VWF: variants seen among roughly 807,000 people sequenced by gnomAD.
The protein encoded by VWF is Factor VIII related antigen.
In VWF, 176 loss-of-function variants were observed where a neutral mutation model predicts 308.6. The ratio of observed to expected loss-of-function variants is 0.57; its 90% CI spans 0.50 to 0.65. The LOEUF is 0.65. Ranked by LOEUF, VWF falls within the 30% of genes least tolerant of loss-of-function variation. The pLI, the probability that VWF is intolerant of heterozygous loss-of-function variation, is 0.00. For missense variants in VWF, 3,146 were observed against 3,648.2 expected, an observed-to-expected ratio of 0.86 and a Z score of 3.55; for synonymous variants, 1,385 against 1,443.4, an observed-to-expected ratio of 0.96 and a Z score of 0.92.
chr12:5,973,136 C>T (rs1307282071), intron 43 of VWF, among the ~76,000 whole-genome samples: 1 of 152,178 alleles, frequency 6.6e-6, no homozygotes, highest in Non-Finnish European at 1.5e-5. Flanking sequence ...TTCTAAGATT[C>T]CCCTCCATAC....
chr12:5,984,023 G>GATAA (rs1267175230), intron 40 of VWF, among the ~76,000 whole-genome samples: 4 of 128,222 alleles, frequency 3.1e-5, no homozygotes, highest in Non-Finnish European at 7.2e-5. Flanking sequence ...TAGATAGACA[G>GATAA]ACAGACAGAC....
intron 43 of VWF, 100 bp from the exon 44 acceptor site, chr12:5,971,809 G>T (rs1943480226): frequency 2.9e-6 from 3 of 1,027,282 alleles, no homozygotes; most frequent in African/African-American, 3.2e-5. Flanking sequence ...GTTGTGCCAA[G>T]TGATCACTGG....
chr12:6,111,885 G>A lies in VWF; in HGVS notation c.221-917C>T, dbSNP rs542104829. ...AGGCAGAAGAACGGCGTGAACCCAGGAGGCGGAGCTTGCAGTGAGCGGAGA... is the reference window on the plus strand; with the variant it reads ...AGGCAGAAGAACGGCGTGAACCCAGAAGGCGGAGCTTGCAGTGAGCGGAGA... On this transcript the variant is annotated intron_variant, in intron 3 of 51. Coordinates refer to ENST00000261405, the MANE Select transcript of VWF (RefSeq NM_000552.5). Among the ~76,000 whole-genome samples the A allele has an allele frequency of 2.9e-4, 44 of 150,686 alleles. 2 individuals carry two copies. The highest frequency in any genetic ancestry group is 8.0e-4 in the African/African-American group (32 of 40,026).
At position 6,095,292 on chromosome 12, in the gene VWF, G is replaced by A; in HGVS notation, c.657+168C>T. On this transcript the variant is annotated intron_variant, in intron 6 of 51. Coordinates refer to ENST00000261405, the MANE Select transcript of VWF (RefSeq NM_000552.5). ...CCCAGACTCATTTTTAGAGCTTCAG[G>A]CTCGAGATGTATTAGAATTAGACTC... 3 of 1,066,128 alleles carry A rather than the reference G, an allele frequency of 2.8e-6. No individual in the cohort carries two copies. In the South Asian group the frequency reaches 3.8e-5, roughly 14 times the overall value. The allele number at this position is 1,066,128 out of a possible 1,614,324, so 66.0% of individuals were successfully genotyped here. A position where few individuals can be genotyped will look rare whatever the true frequency, so the allele number is the denominator to read the frequency against.
In VWF at chr12:6,063,402, T is replaced by C. The variant is rs181519086; in HGVS notation, c.1433-348A>G. On this transcript the variant is annotated intron_variant, in intron 12 of 51. Transcript: ENST00000261405. This position sits in a 1 kb window ranked among gnomAD's most constrained non-coding sequence, Gnocchi z 4.9. The stretch of plus-strand genomic sequence containing the variant: ...TCTCTTTAGCATTGACACCACGACA[T>C]CTGAATGTGCCTGGGACACTCTGCC... Among the ~76,000 whole-genome samples, 104 of 152,198 alleles carry C rather than the reference T, an allele frequency of 6.8e-4. 1 individual carries two copies. The highest frequency in any genetic ancestry group is 2.3e-3 in the African/African-American group (97 of 41,502).
chr12:5,989,079 G>A (rs1309110967), intron 38 of VWF, among the ~76,000 whole-genome samples: 1 of 152,086 alleles, frequency 6.6e-6, no homozygotes, highest in East Asian at 1.9e-4. Flanking sequence ...GGAGGCTACG[G>A]GCCAGAGCTT....
At chr12:5,999,002 C>T (rs1943843537) in intron 34 of VWF, among the ~76,000 whole-genome samples, 1 of 152,162 alleles carries the variant, frequency 6.6e-6, no homozygotes, top group Non-Finnish European at 1.5e-5. Flanking sequence ...GGATTACAGG[C>T]GTGAGCCACT....
chr12:6,114,344 G>A (rs1653099096), intron 3 of VWF, among the ~76,000 whole-genome samples: 2 of 152,198 alleles, frequency 1.3e-5, no homozygotes, highest in Non-Finnish European at 2.9e-5. Flanking sequence ...ACTTAAGCAA[G>A]GTACTCGTTC....
In VWF at chr12:5,952,385, A is replaced by G; in HGVS notation, c.8115+6T>C. On this transcript the variant is annotated splice_donor_region_variant and intron_variant, in intron 49 of 51. Coordinates refer to ENST00000261405, the MANE Select transcript of VWF (RefSeq NM_000552.5). ...CAGTAAAGAGGAAAGCAGAATGAGTACTCACTCCCTCAGCCAGACACTTGT... is the reference window on the plus strand; with the variant it reads ...CAGTAAAGAGGAAAGCAGAATGAGTGCTCACTCCCTCAGCCAGACACTTGT... 1.9e-6 allele frequency: 3 copies of G among 1,613,838 alleles called. No individual in the cohort carries two copies. The highest frequency in any genetic ancestry group is 2.5e-6 in the Non-Finnish European group (3 of 1,179,802).
chr12:5,971,682 C>T lies in VWF; in HGVS notation c.7465G>A (p.Glu2489Lys), dbSNP rs769241795. 1.1e-5 allele frequency: 18 copies of T among 1,614,084 alleles called. No individual in the cohort carries two copies. The South Asian group carries it at 1.2e-4, about 11-fold the overall frequency. The change falls in exon 44 of 52, where the codon GAG becomes AAG. Residue 2489 changes from glutamate to lysine, a missense_variant. Around this residue, in one of 3 missense-constraint regions of VWF, gnomAD observed 989 missense variants for 1,117.4 expected, o/e 0.89. Transcript: ENST00000261405. ...GATGGCAGGCACCTTCCACAGCACT[C>T]GCCTTCATGCAGAACGTAAGTGAAG... ...SGFTYVLHEG[E>K]CCGRCLPSAC... is the part of the protein sequence containing the mutation.
intron 6 of VWF, among the ~76,000 whole-genome samples, chr12:6,078,916 A>C (rs186909359): frequency 2.5e-4 from 38 of 152,334 alleles, no homozygotes; most frequent in Non-Finnish European, 4.9e-4. Flanking sequence ...TAAATGGCTT[A>C]TAGAAAGCCT....
chr12:5,972,931 C>G (rs1389042246), intron 43 of VWF, among the ~76,000 whole-genome samples: 2 of 152,218 alleles, frequency 1.3e-5, no homozygotes, highest in South Asian at 4.1e-4. Flanking sequence ...CTTTAGGGAT[C>G]TGCTGTCATT....
intron 20 of VWF, among the ~76,000 whole-genome samples, chr12:6,033,845 A>G (rs1381156602): frequency 6.6e-6 from 1 of 152,216 alleles, no homozygotes; most frequent in Non-Finnish European, 1.5e-5. Context: ...GTGGTCTTCC[A>G]TTCAGACCAC....
intron 42 of VWF, among the ~76,000 whole-genome samples, chr12:5,980,087 AAAG>A (rs1943581282): frequency 1.3e-5 from 1 of 78,406 alleles, no homozygotes; most frequent in Non-Finnish European, 2.8e-5. Flanking sequence ...GAAAGAAAAG[AAAG>A]AAAGGAAGGA....
chr12:6,068,991 G>C (rs1372349455), intron 10 of VWF, among the ~76,000 whole-genome samples: 2 of 151,550 alleles, frequency 1.3e-5, no homozygotes, highest in East Asian at 3.9e-4. Flanking sequence ...CAAGTACCTG[G>C]GACTACAGGC....
At position 6,025,885 on chromosome 12, in the gene VWF, CACACAGAG is replaced by C. The variant is rs1944184729; in HGVS notation, c.3108+13_3108+20del. On this transcript the variant is annotated intron_variant, in intron 23 of 51. Coordinates refer to ENST00000261405, the MANE Select transcript of VWF (RefSeq NM_000552.5). ...AGGAAGCAAGCTCTAGGGCTCTGTC[CACACAGAG>C]ACCCAGACGTACTTTTCTGGTGTCA... 1 of 1,613,744 alleles carries C rather than the reference CACACAGAG, an allele frequency of 6.2e-7. No homozygotes were observed. The highest frequency in any genetic ancestry group is 1.3e-5 in the African/African-American group (1 of 74,914).
chr12:5,975,361 T>C (rs1943521755), intron 43 of VWF, among the ~76,000 whole-genome samples: 2 of 152,198 alleles, frequency 1.3e-5, no homozygotes, highest in South Asian at 2.1e-4. Context: ...GTAGTAATAA[T>C]AATCGCATTA....
At chr12:6,054,057 G>C (rs902773246) in intron 15 of VWF, among the ~76,000 whole-genome samples, 2 of 152,182 alleles carry the variant, frequency 1.3e-5, no homozygotes, top group African/African-American at 4.8e-5. Context: ...CTTCTTCTGA[G>C]ACCATCACAA....
intron 3 of VWF, among the ~76,000 whole-genome samples, chr12:6,113,725 C>G (rs980828802): frequency 6.6e-6 from 1 of 152,148 alleles, no homozygotes; most frequent in Admixed American, 6.6e-5. Context: ...GTCGAAAAAC[C>G]AAACAAATGG....
Sources: gnomAD v4.1 joint callset for allele counts (sites outside exome capture counted in the v4.1 genomes callset) on GRCh38, gnomAD v4.1.1 for gene constraint, gnomAD v4.1.1 regional missense constraint, Gnocchi (gnomAD v3.1) non-coding constraint, MANE v1.5 for transcripts, NCBI Gene and HGNC (gene_info 2026-07-23, HGNC 2026-07-21) for gene names.